UIMC1: variants seen among roughly 807,000 people sequenced by gnomAD.
The protein encoded by UIMC1 is BRCA1-A complex subunit RAP80.
Under a neutral mutation model 84.9 loss-of-function variants are expected in UIMC1, and 42 were observed. The observed-to-expected ratio is 0.49, with a 90% CI of 0.39 to 0.64. The LOEUF is 0.64. Among genes scored for constraint, UIMC1 ranks in the 30% least tolerant of loss-of-function variants. The pLI is 0.00. For synonymous variants in UIMC1, 281 were observed against 293.0 expected, an observed-to-expected ratio of 0.96 and a Z score of 0.42; for missense variants, 825 against 847.6, an observed-to-expected ratio of 0.97 and a Z score of 0.33.
intron 10 of UIMC1, among the ~76,000 whole-genome samples, chr5:176,931,052 T>A (rs1763021530): frequency 6.6e-6 from 1 of 152,238 alleles, no homozygotes; most frequent in African/African-American, 2.4e-5. Context: ...CAGTAATGAA[T>A]GCTAGCTCTG....
chr5:176,947,088 T>C (rs542420890), intron 9 of UIMC1, among the ~76,000 whole-genome samples: 1 of 152,324 alleles, frequency 6.6e-6, no homozygotes, highest in African/African-American at 2.4e-5. Flanking sequence ...AATGTACCTT[T>C]AACTATTAAT....
Position 176,969,676 on chromosome 5 carries a change from T to C in UIMC1, c.388A>G (p.Arg130Gly). The C allele has an allele frequency of 6.2e-7, 1 of 1,614,132 alleles. No individual in the cohort carries two copies. Among genetic ancestry groups the C allele is most frequent in the Non-Finnish European group, 8.5e-7 (1 of 1,180,030 alleles). Residue 130 changes from arginine to glycine, a missense_variant, in exon 5 of 15, where the codon AGA becomes GGA. Coordinates refer to ENST00000511320, the MANE Select transcript of UIMC1 (RefSeq NM_001199298.2). ...GGTCCAGTGGCCAGAGGTCGAGATC[T>C]GGTAGCGGAAGCATCAGAAGGCCGG... The part of the protein sequence containing the change: ...SCRPSDASAT[R>G]SRPLATGPSS...
At chr5:176,915,131 T>C (rs1760797744) in intron 10 of UIMC1, among the ~76,000 whole-genome samples, 1 of 152,202 alleles carries the variant, frequency 6.6e-6, no homozygotes, top group Non-Finnish European at 1.5e-5. Context: ...GTACTGTCCA[T>C]ATACCACTAC....
intron 6 of UIMC1, among the ~76,000 whole-genome samples, chr5:176,966,965 C>T (rs1768397154): frequency 6.6e-6 from 1 of 152,068 alleles, no homozygotes; most frequent in Non-Finnish European, 1.5e-5. Flanking sequence ...GTAAGAGATA[C>T]GCAAATTAAG....
At chr5:176,977,582 C>CAAAAA (rs1270486136) in intron 2 of UIMC1, among the ~76,000 whole-genome samples, 5 of 47,708 alleles carry the variant, frequency 1.0e-4, no homozygotes, top group African/African-American at 2.4e-4. Flanking sequence ...GACTCCATCT[C>CAAAAA]AAAAAAAAAA....
At chr5:177,012,842 A>C (rs1267269533) in intron 1 of UIMC1, among the ~76,000 whole-genome samples, 3 of 152,114 alleles carry the variant, frequency 2.0e-5, no homozygotes, top group African/African-American at 7.2e-5. Flanking sequence ...AAAAATCAGT[A>C]AGGCAGGAGG....
At chr5:176,950,740 T>C (rs1198436799) in intron 9 of UIMC1, among the ~76,000 whole-genome samples, 1 of 151,818 alleles carries the variant, frequency 6.6e-6, no homozygotes, top group Non-Finnish European at 1.5e-5. Flanking sequence ...CATGGTGTCG[T>C]GCACCTGTAA....
intron 3 of UIMC1, among the ~76,000 whole-genome samples, chr5:176,971,588 C>T (rs1013963949): frequency 6.6e-6 from 1 of 152,212 alleles, no homozygotes; most frequent in African/African-American, 2.4e-5. Flanking sequence ...GAATGCAATG[C>T]TTTAAATCAC....
At chr5:176,988,978 G>T (rs1283842904) in intron 1 of UIMC1, among the ~76,000 whole-genome samples, 13 of 152,088 alleles carry the variant, frequency 8.5e-5, no homozygotes, top group Admixed American at 8.5e-4. Context: ...ACCGTGCCCA[G>T]CCTGTTAGGT....
chr5:176,968,670 T>C lies in UIMC1; in HGVS notation c.1085A>G (p.Gln362Arg), dbSNP rs1472095061. 6.2e-7 allele frequency: 1 copy of C among 1,614,166 alleles called. No homozygotes were observed. The highest frequency in any genetic ancestry group is 1.7e-5 in the Admixed American group (1 of 60,016). ...DMGDEDKEER[Q>R]ESRASDWHSK... Reference sequence around the variant, plus strand: ...GTGCCAGTCAGATGCCCTAGACTCCTGCCTCTCCTCTTTGTCTTCATCTCC... The same window carrying C: ...GTGCCAGTCAGATGCCCTAGACTCCCGCCTCTCCTCTTTGTCTTCATCTCC... Residue 362 changes from glutamine (Q) to arginine (R), a missense_variant, in exon 6 of 15, where the codon CAG (glutamine) becomes CGG (arginine). Physicochemically the swap from Gln to Arg is conservative, Grantham distance 43. Transcript: ENST00000511320.
intron 1 of UIMC1, among the ~76,000 whole-genome samples, chr5:176,996,965 G>C (rs4976634): frequency 6.6e-6 from 1 of 152,048 alleles, no homozygotes; most frequent in Non-Finnish European, 1.5e-5. Flanking sequence ...GAAATGCACA[G>C]CAGAGACCAC....
At chr5:177,018,349 C>CAAAAAA (rs373953088) in intron 1 of UIMC1, among the ~76,000 whole-genome samples, 1 of 134,916 alleles carries the variant, frequency 7.4e-6, no homozygotes, top group Admixed American at 7.4e-5. Context: ...GACTCTGTCT[C>CAAAAAA]AAAAAAAAAA....
chr5:176,941,111 C>A (rs1287920220), intron 10 of UIMC1, among the ~76,000 whole-genome samples: 1 of 152,130 alleles, frequency 6.6e-6, no homozygotes, highest in Non-Finnish European at 1.5e-5. Context: ...TAACTTGAAG[C>A]ATTTCAAATA....
chr5:176,976,281 T>C (rs1770057644), intron 2 of UIMC1, among the ~76,000 whole-genome samples: 1 of 152,038 alleles, frequency 6.6e-6, no homozygotes, highest in South Asian at 2.1e-4. Flanking sequence ...CACCACGATA[T>C]TCCAGCCTGG....
At chr5:176,930,874 T>C (rs1427381928) in intron 10 of UIMC1, among the ~76,000 whole-genome samples, 1 of 152,216 alleles carries the variant, frequency 6.6e-6, no homozygotes, top group Non-Finnish European at 1.5e-5. Flanking sequence ...TTATTCTAGG[T>C]AATTGAAAAT....
In UIMC1 at chr5:176,970,821, T is replaced by A. The variant is rs200300265; in HGVS notation, c.278A>T (p.Glu93Val). ...EQFALALKMS[E>V]QEAREVNSQE... The stretch of plus-strand genomic sequence containing the variant: ...GCTGTTCACCTCCCTAGCTTCCTGC[T>A]CACTCATTTTGAGAGCCAGAGCAAA... Residue 93 changes from glutamate to valine, a missense_variant, in exon 4 of 15, where the codon GAG (glutamate) becomes GTG (valine). Glu to Val is a moderately radical substitution (Grantham distance 121). Coordinates refer to ENST00000511320, the MANE Select transcript of UIMC1 (RefSeq NM_001199298.2). 99 of 1,613,962 alleles carry A rather than the reference T, an allele frequency of 6.1e-5. No individual in the cohort carries two copies. The highest frequency in any genetic ancestry group is 7.5e-5 in the Non-Finnish European group (88 of 1,180,030).
At chr5:177,002,428 G>A (rs957136631) in intron 1 of UIMC1, among the ~76,000 whole-genome samples, 1 of 152,206 alleles carries the variant, frequency 6.6e-6, no homozygotes, top group African/African-American at 2.4e-5. Flanking sequence ...GTACTTACAC[G>A]GGTGTACACA....
chr5:176,927,018 C>T (rs574811605), intron 10 of UIMC1, among the ~76,000 whole-genome samples: 4 of 152,102 alleles, frequency 2.6e-5, no homozygotes, highest in Non-Finnish European at 4.4e-5. Context: ...ACTGCATAAG[C>T]GCATACTGAC....
intron 10 of UIMC1, among the ~76,000 whole-genome samples, chr5:176,916,336 T>C (rs1222515415): frequency 1.3e-5 from 2 of 152,234 alleles, no homozygotes; most frequent in African/African-American, 4.8e-5. Flanking sequence ...ACTAAACATA[T>C]GACCATTACC....
Sources: allele counts gnomAD v4.1 joint callset (sites outside exome capture counted in the v4.1 genomes callset), GRCh38; gene constraint gnomAD v4.1.1; transcripts MANE v1.5; gene names NCBI Gene and HGNC (gene_info 2026-07-23, HGNC 2026-07-21).